Variants in POGLUT1 observed in about 807,000 individuals in gnomAD.
The protein encoded by POGLUT1 is protein O-glucosyltransferase 1, also known as 9630046K23Rik.
Under a neutral mutation model 61.3 loss-of-function variants are expected in POGLUT1, and 32 were observed. The ratio of observed to expected loss-of-function variants is 0.52; its 90% CI spans 0.39 to 0.70. POGLUT1 has a LOEUF of 0.70. Among genes scored for constraint, POGLUT1 ranks in the 30% least tolerant of loss-of-function variants. POGLUT1 has a pLI of 0.00. For missense variants in POGLUT1, 411 were observed against 469.8 expected (o/e 0.87, Z 1.16); for synonymous variants, 158 against 158.2 (o/e 1.00, Z 0.01).
In POGLUT1 at chr3:119,469,918, C is replaced by A. The variant is rs774181502; in HGVS notation, c.176+8C>A. On this transcript the variant is annotated splice_region_variant and intron_variant, in intron 2 of 10. Coordinates refer to ENST00000295588, the MANE Select transcript of POGLUT1 (RefSeq NM_152305.3). ...CTGCAGCTGCTACCATGGGTGAGTT[C>A]TTTTCTTTGATGTGTCTTTGAGAGT... The A allele has an allele frequency of 4.0e-5, 61 of 1,518,954 alleles. No homozygotes were observed. The highest frequency in any genetic ancestry group is 5.3e-5 in the Non-Finnish European group (58 of 1,093,884). The allele number at this position is 1,518,954 out of a possible 1,614,324, so 94.1% of individuals were successfully genotyped here. A position where few individuals can be genotyped will look rare whatever the true frequency, so the allele number is the denominator to read the frequency against.
chr3:119,485,997 T>G (rs958552545), intron 6 of POGLUT1, among the ~76,000 whole-genome samples: 1 of 152,148 alleles, frequency 6.6e-6, no homozygotes, highest in African/African-American at 2.4e-5. Context: ...GAAAAGACCA[T>G]GAAGGGAGCA....
At chr3:119,487,073 A>G (rs750633633) in intron 7 of POGLUT1, 141 bp downstream of exon 7, 1 of 646,604 alleles carries the variant, frequency 1.5e-6, no homozygotes, top group East Asian at 2.6e-5. Flanking sequence ...CAGCATTAGC[A>G]TATATGTAAA....
Position 119,469,181 on chromosome 3 carries a change from G to A in POGLUT1, c.85+75G>A, listed in dbSNP as rs1029085341. On this transcript the variant is annotated intron_variant, in intron 1 of 10. Transcript: ENST00000295588. Reference sequence around the variant, plus strand: ...GGAGTCCCGAGGCGCTCCCCCGCGCGGCCGGCTCCCGGGAAGATGCCGTGG... The same window carrying A: ...GGAGTCCCGAGGCGCTCCCCCGCGCAGCCGGCTCCCGGGAAGATGCCGTGG... 11 of 1,211,764 alleles carry A rather than the reference G, an allele frequency of 9.1e-6. No homozygotes were observed. The African/African-American group carries it at 1.6e-4, about 18-fold the overall frequency. The allele number at this position is 1,211,764 out of a possible 1,614,324, so 75.1% of individuals were successfully genotyped here. A position where few individuals can be genotyped will look rare whatever the true frequency, so the allele number is the denominator to read the frequency against.
chr3:119,489,820 A>G (rs573215556), intron 8 of POGLUT1: 4 of 152,448 alleles, frequency 2.6e-5, no homozygotes, highest in Admixed American at 6.5e-5. Flanking sequence ...CAGCCTTGGC[A>G]TTAGATTCTC....
At chr3:119,471,036 G>C (rs539082732) in intron 2 of POGLUT1, among the ~76,000 whole-genome samples, 1 of 152,326 alleles carries the variant, frequency 6.6e-6, no homozygotes, top group South Asian at 2.1e-4. Context: ...CATGAGTAGC[G>C]AAAGAGAAAT....
chr3:119,486,787 T>A, intron 6 of POGLUT1, 46 bp from the exon 7 acceptor site: 1 of 1,331,846 alleles, frequency 7.5e-7, no homozygotes, highest in Non-Finnish European at 1.1e-6. Context: ...GGGAACAGTT[T>A]TCTAATACAG....
At chr3:119,487,693 T>C (rs1290483709) in intron 7 of POGLUT1, among the ~76,000 whole-genome samples, 2 of 151,174 alleles carry the variant, frequency 1.3e-5, no homozygotes, top group Non-Finnish European at 3.0e-5. Context: ...TTCTTTTGCC[T>C]TTTTTTTTAA....
intron 5 of POGLUT1, among the ~76,000 whole-genome samples, chr3:119,485,032 CG>C (rs1288797956): frequency 6.6e-6 from 1 of 152,044 alleles, no homozygotes; most frequent in African/African-American, 2.4e-5. Context: ...CTGGCTAACA[CG>C]GTGAAACCCT....
intron 1 of POGLUT1, 150 bp from the exon 2 acceptor site, chr3:119,469,670 C>A: frequency 1.6e-6 from 1 of 609,096 alleles, no homozygotes; most frequent in South Asian, 2.0e-5. Context: ...GTTGCACACA[C>A]AAAAATTCCT....
intron 5 of POGLUT1, among the ~76,000 whole-genome samples, chr3:119,480,481 C>G (rs2081593452): frequency 6.6e-6 from 1 of 152,086 alleles, no homozygotes; most frequent in Admixed American, 6.5e-5. Flanking sequence ...CTCCTGACCT[C>G]AGGTGATCTG....
intron 10 of POGLUT1, 25 bp from the exon 11 acceptor site, chr3:119,492,257 T>C: frequency 6.4e-7 from 1 of 1,565,150 alleles, no homozygotes; most frequent in Non-Finnish European, 8.7e-7. Context: ...TGCTTTAACA[T>C]TTTCTTGTTA....
intron 3 of POGLUT1, among the ~76,000 whole-genome samples, chr3:119,476,986 T>G (rs547643423): frequency 1.2e-4 from 18 of 152,264 alleles, no homozygotes; most frequent in African/African-American, 3.9e-4. Flanking sequence ...ATTAAACTAT[T>G]CCATATAAGG....
intron 5 of POGLUT1, among the ~76,000 whole-genome samples, chr3:119,481,174 G>T (rs1309929073): frequency 1.1e-4 from 16 of 152,176 alleles, no homozygotes; most frequent in Admixed American, 9.8e-4. Flanking sequence ...TGGCAATTGA[G>T]AGCTAAGTAG....
chr3:119,478,004 C>A (rs2081560151), intron 4 of POGLUT1: 1 of 254,652 alleles, frequency 3.9e-6, no homozygotes, highest in Non-Finnish European at 7.7e-6. Context: ...AGGGGGTGAT[C>A]TTTTAGACTC....
intron 4 of POGLUT1, among the ~76,000 whole-genome samples, chr3:119,478,910 G>A (rs1056005685): frequency 7.1e-6 from 1 of 141,390 alleles, no homozygotes; most frequent in African/African-American, 2.6e-5. Flanking sequence ...AAAAAGGGGG[G>A]AACATATGGC....
At chr3:119,470,108 A>G (rs1171754697) in intron 2 of POGLUT1, among the ~76,000 whole-genome samples, 198 bp downstream of exon 2, 3 of 152,170 alleles carry the variant, frequency 2.0e-5, no homozygotes, top group Non-Finnish European at 4.4e-5. Flanking sequence ...GATTCAGTGC[A>G]TGTGCATCTG....
At chr3:119,491,869 T>C (rs2081751194) in intron 10 of POGLUT1, among the ~76,000 whole-genome samples, 1 of 152,070 alleles carries the variant, frequency 6.6e-6, no homozygotes, top group African/African-American at 2.4e-5. Flanking sequence ...AGCCTAGCCA[T>C]GGTGAAACCC....
intron 5 of POGLUT1, among the ~76,000 whole-genome samples, chr3:119,482,091 T>C (rs571089366): frequency 3.2e-4 from 49 of 152,310 alleles, no homozygotes; most frequent in African/African-American, 1.0e-3. Flanking sequence ...AACTTTTTTT[T>C]CCCTAAGTTA....
chr3:119,492,318 T>G lies in POGLUT1; in HGVS notation c.1059T>G (p.Asp353Glu). Residue 353 changes from aspartate (D) to glutamate (E), a missense_variant, in exon 11 of 11, where the codon GAT becomes GAG. Coordinates refer to ENST00000295588, the MANE Select transcript of POGLUT1 (RefSeq NM_152305.3). Reference sequence around the variant, plus strand: ...TTATTAGGAACCATTTGCAGATGGATGACATCACCTGTTACTGGGAGAACC... The same window carrying G: ...TTATTAGGAACCATTTGCAGATGGAGGACATCACCTGTTACTGGGAGAACC... ...SQFIRNHLQM[D>E]DITCYWENLL... 6.2e-7 allele frequency: 1 copy of G among 1,609,538 alleles called. No individual in the cohort carries two copies. The highest frequency in any genetic ancestry group is 8.5e-7 in the Non-Finnish European group (1 of 1,177,570).
Sources: allele counts gnomAD v4.1 joint callset (sites outside exome capture counted in the v4.1 genomes callset), GRCh38; gene constraint gnomAD v4.1.1; transcripts MANE v1.5; gene names NCBI Gene and HGNC (gene_info 2026-07-23, HGNC 2026-07-21).